The following TRERF1 variants were observed in gnomAD, a reference collection of about 807,000 sequenced individuals.
TRERF1 encodes transcriptional regulating factor 1.
In TRERF1, 27 loss-of-function variants were observed where a neutral mutation model predicts 122.9. The ratio of observed to expected loss-of-function variants is 0.22; its 90% CI spans 0.16 to 0.30. TRERF1 has a LOEUF of 0.30. Ranked by LOEUF, TRERF1 falls within the 10% of genes least tolerant of loss-of-function variation. TRERF1 has a pLI of 1.00. For synonymous variants in TRERF1, 636 were observed against 641.7 expected, an observed-to-expected ratio of 0.99 and a Z score of 0.13; for missense variants, 1,248 against 1,560.3, an observed-to-expected ratio of 0.80 and a Z score of 3.37.
chr6:42,440,642 A>C (rs997113265), intron 2 of TRERF1, among the ~76,000 whole-genome samples: 1 of 152,114 alleles, frequency 6.6e-6, no homozygotes, highest in African/African-American at 2.4e-5. Context: ...AAGATATCCA[A>C]TCTCTGACTC....
chr6:42,365,143 C>T (rs1374855837), intron 2 of TRERF1, among the ~76,000 whole-genome samples: 2 of 152,112 alleles, frequency 1.3e-5, no homozygotes, highest in Admixed American at 6.5e-5. Flanking sequence ...GGTGCACGTC[C>T]CACTGTGGGT....
intron 2 of TRERF1, among the ~76,000 whole-genome samples, chr6:42,410,091 C>T (rs556578482): frequency 6.6e-6 from 1 of 152,244 alleles, no homozygotes; most frequent in East Asian, 1.9e-4. Flanking sequence ...ATATTGGCCT[C>T]TCTGTGTTGA....
At chr6:42,379,042 C>G (rs894803235) in intron 2 of TRERF1, among the ~76,000 whole-genome samples, 1 of 152,106 alleles carries the variant, frequency 6.6e-6, no homozygotes, top group African/African-American at 2.4e-5. Flanking sequence ...ATCAATTGAG[C>G]CCAGCAGGTA....
At chr6:42,312,690 C>T (rs1241886758) in intron 3 of TRERF1, among the ~76,000 whole-genome samples, 1 of 152,188 alleles carries the variant, frequency 6.6e-6, no homozygotes, top group East Asian at 1.9e-4. Context: ...GCTGTACTCA[C>T]ATCCAGGTAA....
rs982585658 is a variant in TRERF1 at position 42,347,214 on chromosome 6, C to T, written c.-371+15783G>A. Reference sequence around the variant, plus strand: ...CCATCTCCATTCATTCTCCATCTCCCTCTTCCTTCTTAGAGCTTCAGTTCC... The same window carrying T: ...CCATCTCCATTCATTCTCCATCTCCTTCTTCCTTCTTAGAGCTTCAGTTCC... On this transcript the variant is annotated intron_variant, in intron 3 of 17. Transcript: ENST00000372922. Among the ~76,000 whole-genome samples the T allele has an allele frequency of 7.2e-5, 11 of 152,340 alleles. No homozygotes were observed. In the South Asian group the frequency reaches 1.4e-3, roughly 20 times the overall value.
exon 18 of TRERF1, chr6:42,225,896 C>T (rs1769439222): frequency 6.6e-6 from 1 of 151,978 alleles, no homozygotes; most frequent in South Asian, 2.1e-4. Context: ...GGTCTAAATT[C>T]ACTAATGAAA....
chr6:42,377,005 A>G (rs941626710), intron 2 of TRERF1, among the ~76,000 whole-genome samples: 2 of 151,796 alleles, frequency 1.3e-5, no homozygotes, highest in Non-Finnish European at 2.9e-5. Context: ...AGCTGGAATT[A>G]CAGGTGTGAG....
chr6:42,368,576 C>A (rs964246623), intron 2 of TRERF1, among the ~76,000 whole-genome samples: 1 of 152,310 alleles, frequency 6.6e-6, no homozygotes, highest in Non-Finnish European at 1.5e-5. Context: ...ACGGTATACA[C>A]AATTCTTCTA....
intron 3 of TRERF1, among the ~76,000 whole-genome samples, chr6:42,359,059 C>T (rs1195702816): frequency 6.6e-6 from 1 of 152,154 alleles, no homozygotes; most frequent in East Asian, 1.9e-4. Context: ...CCTACATGCT[C>T]ACCCCTCCAT....
intron 4 of TRERF1, among the ~76,000 whole-genome samples, chr6:42,270,768 CTTTTTTTT>C (rs1175342905): frequency 2.5e-5 from 3 of 119,622 alleles, no homozygotes; most frequent in African/African-American, 8.9e-5. Context: ...GACCTCATCT[CTTTTTTTT>C]TTTTTTTTTT....
chr6:42,359,745 CA>C (rs996398904), intron 3 of TRERF1, among the ~76,000 whole-genome samples: 15 of 151,920 alleles, frequency 9.9e-5, no homozygotes, highest in African/African-American at 2.7e-4. Flanking sequence ...AAAAAACCAA[CA>C]AAAAAAACCC....
chr6:42,432,842 C>CAA (rs10557615), intron 2 of TRERF1, among the ~76,000 whole-genome samples: 3 of 110,400 alleles, frequency 2.7e-5, no homozygotes, highest in South Asian at 2.9e-4. Flanking sequence ...GACTCTGTCT[C>CAA]AAAAAAAAAA....
intron 13 of TRERF1, among the ~76,000 whole-genome samples, chr6:42,246,758 C>T (rs1774874323): frequency 6.6e-6 from 1 of 152,214 alleles, no homozygotes; most frequent in Non-Finnish European, 1.5e-5. Flanking sequence ...TGGCAAGTTA[C>T]TTATCCTAAG....
chr6:42,332,353 C>T (rs2150584574), intron 3 of TRERF1, among the ~76,000 whole-genome samples: 1 of 152,358 alleles, frequency 6.6e-6, no homozygotes, highest in East Asian at 1.9e-4. Context: ...CCCACTCCAA[C>T]ATTTCCTTAG....
chr6:42,394,978 G>A (rs1778340349), intron 2 of TRERF1, among the ~76,000 whole-genome samples: 1 of 152,214 alleles, frequency 6.6e-6, no homozygotes, highest in East Asian at 1.9e-4. Context: ...CAGGCAAACT[G>A]TACCCAGCCA....
At chr6:42,298,896 T>G (rs544067043) in intron 4 of TRERF1, among the ~76,000 whole-genome samples, 1 of 152,040 alleles carries the variant, frequency 6.6e-6, no homozygotes, top group Non-Finnish European at 1.5e-5. Flanking sequence ...GCCAAGATTG[T>G]GTCACTGTAC....
In TRERF1 at chr6:42,275,050, C is replaced by T. The variant is rs991736504; in HGVS notation, c.-258-5202G>A. Among the ~76,000 whole-genome samples the T allele has an allele frequency of 1.4e-4, 22 of 152,292 alleles. No individual in the cohort carries two copies. The highest frequency in any genetic ancestry group is 2.5e-4 in the Non-Finnish European group (17 of 68,020). ...GAGACACTTTATGCTCATACAAGAA[C>T]ACTAATGCACAGCCCGTCTTATACA... On this transcript the variant is annotated intron_variant, in intron 4 of 17. Transcript: ENST00000372922. This position sits in a 1 kb window ranked among gnomAD's most constrained non-coding sequence, Gnocchi z 4.1.
chr6:42,386,344 G>A (rs1251576911), intron 2 of TRERF1, among the ~76,000 whole-genome samples: 1 of 152,180 alleles, frequency 6.6e-6, no homozygotes, highest in East Asian at 1.9e-4. Context: ...CTCAGGGACT[G>A]AGGCAGGAGA....
At chr6:42,229,256 G>T (rs551920322) in intron 17 of TRERF1, among the ~76,000 whole-genome samples, 3 of 152,258 alleles carry the variant, frequency 2.0e-5, no homozygotes, top group Admixed American at 1.3e-4. Context: ...TCCCACCTGA[G>T]CCTCTCGATT....
Sources: allele counts gnomAD v4.1 joint callset (sites outside exome capture counted in the v4.1 genomes callset), GRCh38; gene constraint gnomAD v4.1.1; non-coding constraint Gnocchi (gnomAD v3.1); transcripts MANE v1.5; gene names NCBI Gene and HGNC (gene_info 2026-07-23, HGNC 2026-07-21).